SGSM1: variants seen among roughly 807,000 people sequenced by gnomAD.
The protein encoded by SGSM1 is small G protein signaling modulator 1.
A neutral mutation model predicts 133.8 loss-of-function variants in SGSM1; 73 were observed. That is an observed-to-expected ratio of 0.55 (90% CI 0.45 to 0.66). The LOEUF (loss-of-function observed/expected upper bound fraction) is 0.66, where lower values mean the gene tolerates loss of function less well. SGSM1 is among the 30% of genes least tolerant of loss of function. The pLI, the probability that SGSM1 is intolerant of heterozygous loss-of-function variation, is 0.00. For synonymous variants in SGSM1, 563 were observed against 573.0 expected (o/e 0.98, Z 0.25); for missense variants, 1,213 against 1,448.1 (o/e 0.84, Z 2.64).
At chr22:24,910,552 CAA>C (rs1933582031) in intron 21 of SGSM1, among the ~76,000 whole-genome samples, 2 of 152,136 alleles carry the variant, frequency 1.3e-5, no homozygotes, top group Admixed American at 6.6e-5. Context: ...GAGGCTAAGA[CAA>C]GAGGATTGCT....
chr22:24,876,968 A>G (rs777835180), intron 13 of SGSM1, among the ~76,000 whole-genome samples: 4 of 152,290 alleles, frequency 2.6e-5, no homozygotes, highest in South Asian at 4.1e-4. Context: ...TTTATTTATC[A>G]TGCATGCTGT....
At chr22:24,920,227 G>C (rs1340005609) in intron 24 of SGSM1, among the ~76,000 whole-genome samples, 5 of 152,136 alleles carry the variant, frequency 3.3e-5, no homozygotes. Flanking sequence ...ATCAGCTCAG[G>C]GGCAAAGTCT....
chr22:24,822,230 A>C (rs1484660169), intron 2 of SGSM1, among the ~76,000 whole-genome samples: 1 of 151,488 alleles, frequency 6.6e-6, no homozygotes, highest in East Asian at 1.9e-4. Flanking sequence ...AGCTGGGACC[A>C]CAGGTGCCCG....
At chr22:24,874,938 T>C (rs1416238505) in intron 12 of SGSM1, among the ~76,000 whole-genome samples, 1 of 152,206 alleles carries the variant, frequency 6.6e-6, no homozygotes, top group Non-Finnish European at 1.5e-5. Context: ...GGCTAGCTCA[T>C]GGGTGAGTCT....
At position 24,806,267 on chromosome 22, in the gene SGSM1, A is replaced by C. The variant is rs1380479544; in HGVS notation, c.-59A>C. The C allele has an allele frequency of 3.6e-6, 5 of 1,379,508 alleles. No individual in the cohort carries two copies. In the Admixed American group the frequency reaches 1.0e-4, roughly 28 times the overall value. The allele number at this position is 1,379,508 out of a possible 1,614,324, so 85.5% of individuals were successfully genotyped here. On this transcript the variant is annotated 5_prime_UTR_variant, in exon 1 of 25. Transcript: ENST00000400358. ...GCAGCAGCAGCGCCGCGGCCGGAGG[A>C]GCTACCGCCGCCACCGCCGCCACCG... is the stretch of plus-strand genomic sequence containing the variant.
At chr22:24,811,790 G>A (rs904701082) in intron 2 of SGSM1, among the ~76,000 whole-genome samples, 25 of 149,946 alleles carry the variant, frequency 1.7e-4, no homozygotes, top group African/African-American at 5.4e-4. Context: ...GATCCCTTGA[G>A]CCCAGGAAGT....
intron 22 of SGSM1, among the ~76,000 whole-genome samples, chr22:24,915,870 G>T (rs73157934): frequency 0.031 from 4,769 of 152,008 alleles, 125 homozygotes; most frequent in Admixed American, 0.095. Flanking sequence ...CTAGTTTTTG[G>T]TTCATTTGGA....
At chr22:24,879,548 CA>C (rs754917931) in intron 14 of SGSM1, 22 bp downstream of exon 14, 1 of 1,609,116 alleles carries the variant, frequency 6.2e-7, no homozygotes. Flanking sequence ...GCTCCATTGC[CA>C]GTGTGTCTCC....
At chr22:24,905,210 A>G (rs1305939088) in intron 21 of SGSM1, 23 bp downstream of exon 21, 2 of 1,607,858 alleles carry the variant, frequency 1.2e-6, no homozygotes, top group East Asian at 2.2e-5. Context: ...TTACTGCCCT[A>G]GGGCTGAGGG....
chr22:24,828,163 T>C lies in SGSM1; in HGVS notation c.64-16734T>C, dbSNP rs951909052. ...CCCTTCTCATGGGTTTCCTAGCACC[T>C]TGATTTTCAGATGACCCAGTACTGG... On this transcript the variant is annotated intron_variant, in intron 2 of 24. Coordinates refer to ENST00000400358, the MANE Select transcript of SGSM1 (RefSeq NM_001098497.3). 2.0e-5 allele frequency among the ~76,000 whole-genome samples: 3 copies of C among 152,072 alleles called. No homozygotes were observed. The East Asian group carries it at 5.8e-4, about 29-fold the overall frequency.
intron 8 of SGSM1, among the ~76,000 whole-genome samples, chr22:24,857,405 C>CT: frequency 3.1e-5 from 1 of 32,372 alleles, no homozygotes. Context: ...GAGACTCTGT[C>CT]TCAAAAAAAA....
chr22:24,912,271 C>G (rs1285133737), intron 21 of SGSM1, among the ~76,000 whole-genome samples: 1 of 152,152 alleles, frequency 6.6e-6, no homozygotes, highest in Non-Finnish European at 1.5e-5. Context: ...CGTATTGGTT[C>G]AACAAATGTA....
intron 2 of SGSM1, among the ~76,000 whole-genome samples, chr22:24,815,160 G>C (rs934437417): frequency 2.6e-5 from 4 of 152,176 alleles, no homozygotes; most frequent in Admixed American, 2.0e-4. Flanking sequence ...TATTTGCAAA[G>C]AACAGTAACA....
chr22:24,842,219 G>A lies in SGSM1; in HGVS notation c.64-2678G>A, dbSNP rs184759734. On this transcript the variant is annotated intron_variant, in intron 2 of 24. Transcript: ENST00000400358. Reference sequence around the variant, plus strand: ...GCAGAGGGGAGAGAGGTGTGCAAACGCTCTGAGACCACCTGGGCTTCATGA... The same window carrying A: ...GCAGAGGGGAGAGAGGTGTGCAAACACTCTGAGACCACCTGGGCTTCATGA... Among the ~76,000 whole-genome samples the A allele has an allele frequency of 3.0e-3, 459 of 152,200 alleles. 7 individuals carry two copies. Among genetic ancestry groups the A allele is most frequent in the Non-Finnish European group, 7.5e-4 (51 of 68,024 alleles).
intron 14 of SGSM1, among the ~76,000 whole-genome samples, chr22:24,883,834 T>G (rs1315027083): frequency 2.0e-5 from 3 of 152,150 alleles, no homozygotes; most frequent in Non-Finnish European, 4.4e-5. Context: ...CGCGTGCCTC[T>G]GGTCCCAGGT....
At chr22:24,883,420 G>A (rs1932440966) in intron 14 of SGSM1, among the ~76,000 whole-genome samples, 1 of 152,178 alleles carries the variant, frequency 6.6e-6, no homozygotes, top group Admixed American at 6.6e-5. Context: ...GGCACAGCAA[G>A]CCCACAGAGT....
chr22:24,823,866 C>T (rs1053413578), intron 2 of SGSM1, among the ~76,000 whole-genome samples: 6 of 151,868 alleles, frequency 4.0e-5, no homozygotes, highest in African/African-American at 1.2e-4. Context: ...GCCATGATCG[C>T]GTCACTGTAC....
At chr22:24,807,889 G>A (rs1246448533) in intron 2 of SGSM1, among the ~76,000 whole-genome samples, 1 of 27,456 alleles carries the variant, frequency 3.6e-5, no homozygotes, top group African/African-American at 1.5e-4. Context: ...ATGTGCCTGC[G>A]TGTGTGTGTG....
intron 22 of SGSM1, among the ~76,000 whole-genome samples, chr22:24,913,516 A>C (rs1011966401): frequency 2.0e-5 from 3 of 152,174 alleles, no homozygotes; most frequent in African/African-American, 7.2e-5. Context: ...AAGACACTCA[A>C]CCCTTTGATT....
Sources: allele counts gnomAD v4.1 joint callset (sites outside exome capture counted in the v4.1 genomes callset), GRCh38; gene constraint gnomAD v4.1.1; transcripts MANE v1.5; gene names NCBI Gene and HGNC (gene_info 2026-07-23, HGNC 2026-07-21).